TWNK: variants seen among roughly 807,000 people sequenced by gnomAD.
TWNK encodes twinkle mtDNA helicase.
TWNK carries 36 observed loss-of-function variants against 58.2 expected under a neutral mutation model. The observed-to-expected ratio is 0.62, with a 90% CI of 0.47 to 0.82. TWNK has a LOEUF of 0.82. Ranked by LOEUF, TWNK falls within the 40% of genes least tolerant of loss-of-function variation. The probability of loss-of-function intolerance (pLI) is 0.00; values close to 1 mark genes in which losing one functional copy is unlikely to be tolerated. For synonymous variants in TWNK, 349 were observed against 348.5 expected (o/e 1.00, Z -0.02); for missense variants, 714 against 881.0 (o/e 0.81, Z 2.40).
Position 100,989,275 on chromosome 10 carries a change from T to G in TWNK, c.1065T>G (p.Ile355Met), listed in dbSNP as rs1427133383. ...ACGGAGGCTTCAATCTTTCTCGTAT[T>G]CTTCGTACCGCCCTGCCTGCCTGGC... The part of the protein sequence containing the change: ...ALNGGFNLSR[I>M]LRTALPAWHK... Residue 355 changes from isoleucine to methionine, a missense_variant, in exon 1 of 5, where the codon ATT becomes ATG. Ile to Met is a conservative substitution (Grantham distance 10). Around this residue, in one of 3 missense-constraint regions of TWNK, gnomAD observed 302 missense variants for 438.6 expected, o/e 0.69. Transcript: ENST00000311916. This position sits in a 1 kb window ranked among gnomAD's most constrained non-coding sequence, Gnocchi z 7.6. The G allele has an allele frequency of 6.2e-7, 1 of 1,614,028 alleles. No individual in the cohort carries two copies. Among genetic ancestry groups the G allele is most frequent in the Non-Finnish European group, 8.5e-7 (1 of 1,180,052 alleles).
At position 100,987,763 on chromosome 10, in the gene TWNK, G is replaced by A. The variant is rs1276453834; in HGVS notation, c.-448G>A. The A allele has an allele frequency of 3.4e-6, 2 of 583,618 alleles. No homozygotes were observed. The highest frequency in any genetic ancestry group is 6.0e-6 in the Non-Finnish European group (2 of 330,746). 36.2% of individuals were successfully genotyped at this position (583,618 alleles called of 1,614,324 possible). A position where few individuals can be genotyped will look rare whatever the true frequency, so the allele number is the denominator to read the frequency against. ...CTCGCCGTGTTGAGGTCCCAGTGAG[G>A]GGAAGGAGAAGCGGAAGAGGGTCTC... is the stretch of plus-strand genomic sequence containing the variant. On this transcript the variant is annotated 5_prime_UTR_variant, in exon 1 of 5. Transcript: ENST00000311916.
At position 100,993,663 on chromosome 10, in the gene TWNK, C is replaced by A; in HGVS notation, c.*153C>A. 1.2e-6 allele frequency: 1 copy of A among 820,500 alleles called. No individual in the cohort carries two copies. 50.8% of individuals were successfully genotyped at this position (820,500 alleles called of 1,614,324 possible). On this transcript the variant is annotated 3_prime_UTR_variant, in exon 5 of 5. Transcript: ENST00000311916. Reference sequence around the variant, plus strand: ...AGCAGGTTTCCATAGTGAGAAAATTCAATGTAGCAGACTACTGAGAAACTA... The same window carrying A: ...AGCAGGTTTCCATAGTGAGAAAATTAAATGTAGCAGACTACTGAGAAACTA...
At position 100,987,667 on chromosome 10, in the gene TWNK, G is replaced by T; in HGVS notation, c.-544G>T. 1.6e-6 allele frequency: 1 copy of T among 619,286 alleles called. No homozygotes were observed. Among genetic ancestry groups the T allele is most frequent in the Non-Finnish European group, 2.8e-6 (1 of 356,356 alleles). 38.4% of individuals were successfully genotyped at this position (619,286 alleles called of 1,614,324 possible). A position where few individuals can be genotyped will look rare whatever the true frequency, so the allele number is the denominator to read the frequency against. On this transcript the variant is annotated 5_prime_UTR_variant, in exon 1 of 5. Transcript: ENST00000311916. ...GGAGCTCGGAGTAGTAGAGCGGAGT[G>T]AAGACACGGGGGAGGATAGAGACTG...
At position 100,990,485 on chromosome 10, in the gene TWNK, CAT is replaced by C. The variant is rs1270914514; in HGVS notation, c.1535_1536del (p.His512ArgfsTer38). 6.2e-7 allele frequency: 1 copy of C among 1,614,016 alleles called. No individual in the cohort carries two copies. Among genetic ancestry groups the C allele is most frequent in the Non-Finnish European group, 8.5e-7 (1 of 1,179,982 alleles). On this transcript the variant is annotated frameshift_variant, in exon 3 of 5. Transcript: ENST00000311916. LOFTEE classifies it high-confidence loss of function. Reference protein sequence around the residue: ...QHAVYVYDICHVIIDNLQFMM... With the variant: ...QHAVYVYDICXVIIDNLQFMM... ...TGCAGTCTACGTCTATGACATTTGT[CAT>C]GTGATCATCGACAACCTGCAGTTCA... is the stretch of plus-strand genomic sequence containing the variant.
rs1046192127 is a variant in TWNK, at chr10:100,988,014, G to C, written c.-197G>C. The C allele has an allele frequency of 1.8e-5, 12 of 678,256 alleles. No individual in the cohort carries two copies. The highest frequency in any genetic ancestry group is 3.9e-4 in the Middle Eastern group (1 of 2,552). 42.0% of individuals were successfully genotyped at this position (678,256 alleles called of 1,614,324 possible). A position where few individuals can be genotyped will look rare whatever the true frequency, so the allele number is the denominator to read the frequency against. On this transcript the variant is annotated 5_prime_UTR_variant, in exon 1 of 5. Transcript: ENST00000311916. This position sits in a 1 kb window ranked among gnomAD's most constrained non-coding sequence, Gnocchi z 5.2. ...ATTGTAGAAGGACGTGGACGCGAAAGGGTCGTGTAGATGGGCATATGTGTG... is the reference window on the plus strand; with the variant it reads ...ATTGTAGAAGGACGTGGACGCGAAACGGTCGTGTAGATGGGCATATGTGTG...
Position 100,990,911 on chromosome 10 carries a change from T to A in TWNK, c.1635T>A (p.Phe545Leu), listed in dbSNP as rs1427367241. ...QDYIIGVFRK[F>L]ATDNNCHVTL... ...ACATCATCGGGGTCTTTCGGAAGTT[T>A]GCAACAGACAATAACTGCCATGTGA... The change falls in exon 4 of 5, where the codon TTT becomes TTA. Residue 545 changes from phenylalanine (F) to leucine (L), a missense_variant. This residue lies in a region of TWNK where 302 missense variants were observed against 438.6 expected (regional missense o/e 0.69). Coordinates refer to ENST00000311916, the MANE Select transcript of TWNK (RefSeq NM_021830.5). 1 of 1,614,244 alleles carries A rather than the reference T, an allele frequency of 6.2e-7. No homozygotes were observed.
rs1268261887 is a variant in TWNK at position 100,988,804 on chromosome 10, G to A, written c.594G>A (p.Leu198=). Reference sequence around the variant, plus strand: ...TCAAGCGTTTCAGTGTGCGATATCTGCGACCTGCTCGCAGTCTTGTCTTCC... The same window carrying A: ...TCAAGCGTTTCAGTGTGCGATATCTACGACCTGCTCGCAGTCTTGTCTTCC... ...DTLKRFSVRY[L]RPARSLVFPW... The change falls in exon 1 of 5, where the codon CTG becomes CTA. Residue 198 remains leucine (L), a synonymous_variant. Transcript: ENST00000311916. The surrounding 1 kb of genome is among the most constrained non-coding windows in gnomAD (Gnocchi z 5.2). 6.2e-7 allele frequency: 1 copy of A among 1,614,184 alleles called. No homozygotes were observed. The highest frequency in any genetic ancestry group is 8.5e-7 in the Non-Finnish European group (1 of 1,180,028).
rs1851845663 is a variant in TWNK at position 100,993,553 on chromosome 10, G to C, written c.*43G>C. 2 of 1,605,146 alleles carry C rather than the reference G, an allele frequency of 1.2e-6. No homozygotes were observed. Among genetic ancestry groups the C allele is most frequent in the Non-Finnish European group, 1.7e-6 (2 of 1,173,108 alleles). On this transcript the variant is annotated 3_prime_UTR_variant, in exon 5 of 5. Coordinates refer to ENST00000311916, the MANE Select transcript of TWNK (RefSeq NM_021830.5). ...TCACTGAAATGAGCCTGATAGGATA[G>C]GCTGGAGCATAAAACTCTGCAAGGG... is the stretch of plus-strand genomic sequence containing the variant.
At position 100,988,771 on chromosome 10, in the gene TWNK, T is replaced by C. The variant is rs2133936112; in HGVS notation, c.561T>C (p.Asp187=). Reference sequence around the variant, plus strand: ...TGTTTGGCCTTACCAAGGTTACAGATGACACACTCAAGCGTTTCAGTGTGC... The same window carrying C: ...TGTTTGGCCTTACCAAGGTTACAGACGACACACTCAAGCGTTTCAGTGTGC... ...DTMFGLTKVT[D]DTLKRFSVRY... The change falls in exon 1 of 5, where the codon GAT becomes GAC. Residue 187 remains aspartate (D), a synonymous_variant. Transcript: ENST00000311916. This position sits in a 1 kb window ranked among gnomAD's most constrained non-coding sequence, Gnocchi z 5.2. 1 of 1,614,076 alleles carries C rather than the reference T, an allele frequency of 6.2e-7. No homozygotes were observed. The highest frequency in any genetic ancestry group is 2.2e-5 in the East Asian group (1 of 44,898).
rs371334193 is a variant in TWNK at position 100,990,446 on chromosome 10, G to T, written c.1495G>T (p.Asp499Tyr). The change falls in exon 3 of 5, where the codon GAT becomes TAT. Residue 499 changes from aspartate (D) to tyrosine (Y), a missense_variant. Asp to Tyr is a radical substitution (Grantham distance 160). Coordinates refer to ENST00000311916, the MANE Select transcript of TWNK (RefSeq NM_021830.5). The stretch of plus-strand genomic sequence containing the variant: ...CTTTCCTCTTCCCAGGACTGTAATA[G>T]ATACAATGCAACATGCAGTCTACGT... ...HGQQSIRTVI[D>Y]TMQHAVYVYD... The T allele has an allele frequency of 6.2e-6, 10 of 1,613,606 alleles. No homozygotes were observed. In the East Asian group the frequency reaches 1.1e-4, roughly 18 times the overall value.
chr10:100,988,453 G>C lies in TWNK; in HGVS notation c.243G>C (p.Leu81=). The C allele has an allele frequency of 2.5e-6, 4 of 1,614,242 alleles. No homozygotes were observed. Among genetic ancestry groups the C allele is most frequent in the Non-Finnish European group, 3.4e-6 (4 of 1,180,054 alleles). ...FQDGHSCLRA[L]SPFAESSQLK... is the part of the protein sequence containing the mutation. The stretch of plus-strand genomic sequence containing the variant: ...ATGGTCACAGTTGCCTGCGGGCACT[G>C]AGCCCCTTTGCAGAGTCTTCACAGC... The change falls in exon 1 of 5, where the codon CTG becomes CTC. Residue 81 remains leucine (L), a synonymous_variant. Transcript: ENST00000311916. The surrounding 1 kb of genome is among the most constrained non-coding windows in gnomAD (Gnocchi z 5.2).
chr10:100,993,826 A>C lies in TWNK; in HGVS notation c.*316A>C. 1 of 415,184 alleles carries C rather than the reference A, an allele frequency of 2.4e-6. No individual in the cohort carries two copies. The highest frequency in any genetic ancestry group is 4.4e-6 in the Non-Finnish European group (1 of 226,360). The allele number at this position is 415,184 out of a possible 1,614,324, so 25.7% of individuals were successfully genotyped here. A position where few individuals can be genotyped will look rare whatever the true frequency, so the allele number is the denominator to read the frequency against. The stretch of plus-strand genomic sequence containing the variant: ...AGCAGAAAACCTAGTTTTAGTGAAA[A>C]ATGCTGTAAAGAAAATAGAAATGCG... On this transcript the variant is annotated 3_prime_UTR_variant, in exon 5 of 5. Transcript: ENST00000311916.
Position 100,993,063 on chromosome 10 carries a change from G to A in TWNK, c.1735-127G>A. ...GGCCTCCCAAAGTTCTGGGATTACA[G>A]GCGTGAGCCATTGTACCCAGCCCCT... On this transcript the variant is annotated intron_variant, in intron 4 of 4. Coordinates refer to ENST00000311916, the MANE Select transcript of TWNK (RefSeq NM_021830.5). 6.1e-6 allele frequency: 6 copies of A among 988,638 alleles called. No individual in the cohort carries two copies. The South Asian group carries it at 6.6e-5, about 11-fold the overall frequency. The allele number at this position is 988,638 out of a possible 1,614,324, so 61.2% of individuals were successfully genotyped here. A position where few individuals can be genotyped will look rare whatever the true frequency, so the allele number is the denominator to read the frequency against.
intron 3 of TWNK, 109 bp from the exon 4 acceptor site, chr10:100,990,760 G>A: frequency 6.4e-7 from 1 of 1,562,600 alleles, no homozygotes; most frequent in Non-Finnish European, 8.8e-7. Flanking sequence ...GTAGAGGGAG[G>A]TAGAGTGGGT....
intron 4 of TWNK, among the ~76,000 whole-genome samples, chr10:100,992,817 C>T (rs1459025152): frequency 4.6e-5 from 7 of 151,824 alleles, no homozygotes; most frequent in South Asian, 2.1e-4. Flanking sequence ...GACGGAGTCT[C>T]GCTCTGTTGC....
chr10:100,989,810 A>G lies in TWNK; in HGVS notation c.1410A>G (p.Lys470=), dbSNP rs771574833. ...GGCGGCTGGAAGATCAACTGGACAA[A>G]TATGATCACTGGGCTGACCGCTTTG... ...AEGRLEDQLD[K]YDHWADRFED... Residue 470 remains lysine (K), a synonymous_variant, in exon 2 of 5, where the codon AAA becomes AAG. Transcript: ENST00000311916. This position sits in a 1 kb window ranked among gnomAD's most constrained non-coding sequence, Gnocchi z 7.6. The G allele has an allele frequency of 1.9e-6, 3 of 1,614,212 alleles. No homozygotes were observed. The highest frequency in any genetic ancestry group is 4.5e-5 in the East Asian group (2 of 44,888).
rs1400474726 is a variant in TWNK at position 100,989,390 on chromosome 10, C to T, written c.1180C>T (p.Arg394Cys). 2.5e-6 allele frequency: 4 copies of T among 1,614,076 alleles called. No individual in the cohort carries two copies. Among genetic ancestry groups the T allele is most frequent in the Non-Finnish European group, 2.5e-6 (3 of 1,180,052 alleles). The change falls in exon 1 of 5, where the codon CGC (arginine) becomes TGC (cysteine). Residue 394 changes from arginine to cysteine, a missense_variant. Physicochemically the swap from Arg to Cys is radical, Grantham distance 180. Coordinates refer to ENST00000311916, the MANE Select transcript of TWNK (RefSeq NM_021830.5). This position sits in a 1 kb window ranked among gnomAD's most constrained non-coding sequence, Gnocchi z 7.6. ...VEQAAGLRWSRFPDLNRILKG... is the reference protein window; with the variant it reads ...VEQAAGLRWSCFPDLNRILKG... The stretch of plus-strand genomic sequence containing the variant: ...GCAAGCAGCTGGCCTCCGCTGGAGC[C>T]GCTTTCCAGACCTCAATCGTATCTT...
chr10:100,988,539 A>T lies in TWNK; in HGVS notation c.329A>T (p.His110Leu). 2 of 1,614,140 alleles carry T rather than the reference A, an allele frequency of 1.2e-6. No homozygotes were observed. Among genetic ancestry groups the T allele is most frequent in the Non-Finnish European group, 1.7e-6 (2 of 1,180,026 alleles). Residue 110 changes from histidine to leucine, a missense_variant, in exon 1 of 5, where the codon CAC becomes CTC. Transcript: ENST00000311916. This position sits in a 1 kb window ranked among gnomAD's most constrained non-coding sequence, Gnocchi z 5.2. ...CTCTTCATTGACAAGACCACAGGCCACTTTCTCTGCATGACCAGCCTAGCA... is the reference window on the plus strand; with the variant it reads ...CTCTTCATTGACAAGACCACAGGCCTCTTTCTCTGCATGACCAGCCTAGCA... The part of the protein sequence containing the change: ...FSLFIDKTTG[H>L]FLCMTSLAEG...
rs1564808222 is a variant in TWNK, at chr10:100,988,974, G to A, written c.764G>A (p.Arg255His). Residue 255 changes from arginine to histidine, a missense_variant, in exon 1 of 5, where the codon CGT becomes CAT. Coordinates refer to ENST00000311916, the MANE Select transcript of TWNK (RefSeq NM_021830.5). The surrounding 1 kb of genome is among the most constrained non-coding windows in gnomAD (Gnocchi z 5.2). ...HNLFGLPLIS[R>H]RDAEVVLTSR... ...CTGTTTGGATTACCACTGATTAGTC[G>A]TCGAGATGCTGAGGTGGTACTGACG... The A allele has an allele frequency of 2.5e-6, 4 of 1,614,030 alleles. No individual in the cohort carries two copies. Among genetic ancestry groups the A allele is most frequent in the Admixed American group, 1.7e-5 (1 of 60,006 alleles).
Sources: allele counts gnomAD v4.1 joint callset (sites outside exome capture counted in the v4.1 genomes callset), GRCh38; gene constraint gnomAD v4.1.1; regional missense constraint gnomAD v4.1.1; non-coding constraint Gnocchi (gnomAD v3.1); transcripts MANE v1.5; gene names NCBI Gene and HGNC (gene_info 2026-07-23, HGNC 2026-07-21).